Variants in SGMS2 observed in about 807,000 individuals in gnomAD.
SGMS2 encodes phosphatidylcholine:ceramide cholinephosphotransferase 2.
A neutral mutation model predicts 43.8 loss-of-function variants in SGMS2; 21 were observed. The ratio of observed to expected loss-of-function variants is 0.48; its 90% CI spans 0.34 to 0.69. The LOEUF (loss-of-function observed/expected upper bound fraction) is 0.69. Ranked by LOEUF, SGMS2 falls within the 30% of genes least tolerant of loss-of-function variation. The pLI is 0.01. For synonymous variants in SGMS2, 167 were observed against 160.6 expected (o/e 1.04, Z -0.30); for missense variants, 384 against 443.2 (o/e 0.87, Z 1.20).
intron 1 of SGMS2, among the ~76,000 whole-genome samples, chr4:107,844,955 G>A (rs1233760325): frequency 6.6e-6 from 1 of 152,164 alleles, no homozygotes; most frequent in Admixed American, 6.6e-5. Flanking sequence ...GGAGAGAGTT[G>A]ATACAAGCTG....
intron 3 of SGMS2, among the ~76,000 whole-genome samples, chr4:107,899,301 AC>A (rs1730927245): frequency 6.6e-6 from 1 of 152,034 alleles, no homozygotes; most frequent in Admixed American, 6.6e-5. Flanking sequence ...TAGTTCCCCC[AC>A]CCCACACACA....
chr4:107,895,391 A>G lies in SGMS2; in HGVS notation c.-163A>G. On this transcript the variant is annotated 5_prime_UTR_variant, in exon 3 of 7. Coordinates refer to ENST00000690982, the MANE Select transcript of SGMS2 (RefSeq NM_001375905.1). The stretch of plus-strand genomic sequence containing the variant: ...AAGGTACAGCATATAGCTGCATGGA[A>G]GAAACAGTAATCGGATGGCTACCTT... The G allele has an allele frequency of 1.4e-6, 1 of 705,548 alleles. No individual in the cohort carries two copies. Among genetic ancestry groups the G allele is most frequent in the South Asian group, 2.0e-5 (1 of 50,466 alleles). 43.7% of individuals were successfully genotyped at this position (705,548 alleles called of 1,614,324 possible). A position where few individuals can be genotyped will look rare whatever the true frequency, so the allele number is the denominator to read the frequency against.
At chr4:107,842,860 TAAC>T (rs1180150980) in intron 1 of SGMS2, among the ~76,000 whole-genome samples, 25 of 152,338 alleles carry the variant, frequency 1.6e-4, no homozygotes, top group Non-Finnish European at 8.8e-5. Flanking sequence ...TTTTCCTTCT[TAAC>T]AAGCAAATTC....
At chr4:107,908,457 G>T in intron 5 of SGMS2, 108 bp from the exon 6 acceptor site, 1 of 1,098,292 alleles carries the variant, frequency 9.1e-7, no homozygotes, top group Non-Finnish European at 1.3e-6. Flanking sequence ...TATCCTTCTG[G>T]TGACTTCCTG....
intron 1 of SGMS2, among the ~76,000 whole-genome samples, chr4:107,848,762 C>A (rs1204810232): frequency 6.6e-6 from 1 of 152,000 alleles, no homozygotes; most frequent in Non-Finnish European, 1.5e-5. Context: ...GGTTATTTTT[C>A]TTGTTGAGTT....
intron 1 of SGMS2, among the ~76,000 whole-genome samples, chr4:107,849,024 AT>A (rs369034722): frequency 3.0e-4 from 45 of 151,242 alleles, no homozygotes; most frequent in Non-Finnish European, 4.6e-4. Context: ...ATCTAGATTC[AT>A]TTTTTTTTAC....
At chr4:107,843,197 T>C (rs1474970657) in intron 1 of SGMS2, among the ~76,000 whole-genome samples, 2 of 152,042 alleles carry the variant, frequency 1.3e-5, no homozygotes, top group African/African-American at 4.8e-5. Context: ...AACTTCCTCT[T>C]CACTTTTTTA....
chr4:107,842,383 G>C (rs1374150953), intron 1 of SGMS2, among the ~76,000 whole-genome samples: 1 of 152,116 alleles, frequency 6.6e-6, no homozygotes, highest in Non-Finnish European at 1.5e-5. Flanking sequence ...AGAGAGGAGC[G>C]AGGTGCCACA....
intron 2 of SGMS2, among the ~76,000 whole-genome samples, chr4:107,878,297 C>T (rs1729083821): frequency 6.6e-6 from 1 of 152,190 alleles, no homozygotes; most frequent in Non-Finnish European, 1.5e-5. Flanking sequence ...CTTCCCTACC[C>T]TACAGAACCT....
chr4:107,883,554 GAT>G, intron 2 of SGMS2, among the ~76,000 whole-genome samples: 1 of 152,240 alleles, frequency 6.6e-6, no homozygotes, highest in East Asian at 1.9e-4. Context: ...GACTTCAGGT[GAT>G]CTGCCTACCT....
rs531146220 is a variant in SGMS2, at chr4:107,871,940, TA to T, written c.-245+13394del. Among the ~76,000 whole-genome samples the T allele has an allele frequency of 1.2e-4, 19 of 152,220 alleles. No homozygotes were observed. In the East Asian group the frequency reaches 3.7e-3, roughly 29 times the overall value. On this transcript the variant is annotated intron_variant, in intron 2 of 6. Coordinates refer to ENST00000690982, the MANE Select transcript of SGMS2 (RefSeq NM_001375905.1). The stretch of plus-strand genomic sequence containing the variant: ...CCTAATATGCGTTAAACACTTATTT[TA>T]AAAAAACAGCACTGGGATGATCAAT...
intron 1 of SGMS2, among the ~76,000 whole-genome samples, chr4:107,829,440 C>T (rs2125983325): frequency 6.6e-6 from 1 of 152,184 alleles, no homozygotes; most frequent in East Asian, 1.9e-4. Context: ...CATACAGATA[C>T]CCAGATCAGT....
Position 107,903,371 on chromosome 4 carries a change from T to C in SGMS2, c.712T>C (p.Leu238=), listed in dbSNP as rs759434260. The C allele has an allele frequency of 6.2e-7, 1 of 1,613,914 alleles. No homozygotes were observed. The highest frequency in any genetic ancestry group is 2.2e-5 in the East Asian group (1 of 44,856). ...GHTVTLTLTY[L]FIKEYSPRHF... ...CACGGTTACGCTGACACTGACTTAT[T>C]TGTTCATCAAAGAATGTAAGTAATA... Residue 238 remains leucine (L), a synonymous_variant, in exon 5 of 7, where the codon TTG becomes CTG. Coordinates refer to ENST00000690982, the MANE Select transcript of SGMS2 (RefSeq NM_001375905.1).
intron 5 of SGMS2, among the ~76,000 whole-genome samples, chr4:107,906,907 T>A (rs1055498462): frequency 5.9e-5 from 9 of 152,144 alleles, no homozygotes; most frequent in African/African-American, 1.9e-4. Context: ...AGATGACCTG[T>A]AAGTTGGGAA....
Position 107,895,458 on chromosome 4 carries a change from A to G in SGMS2, c.-96A>G. 2 of 1,236,752 alleles carry G rather than the reference A, an allele frequency of 1.6e-6. No individual in the cohort carries two copies. The highest frequency in any genetic ancestry group is 2.3e-6 in the Non-Finnish European group (2 of 879,158). 76.6% of individuals were successfully genotyped at this position (1,236,752 alleles called of 1,614,324 possible). On this transcript the variant is annotated 5_prime_UTR_variant, in exon 3 of 7. An upstream start codon of the reference 5' UTR is lost. Transcript: ENST00000690982. ...GAAACAAAGTCCATTGTAAGAGTCC[A>G]TGTTGATCTTGGAAATAGAAGGATT...
At chr4:107,889,727 C>A (rs1362136338) in intron 2 of SGMS2, among the ~76,000 whole-genome samples, 1 of 152,016 alleles carries the variant, frequency 6.6e-6, no homozygotes, top group Non-Finnish European at 1.5e-5. Flanking sequence ...TAGTTGTCAG[C>A]TAAATAGCCT....
rs1732258472 is a variant in SGMS2 at position 107,913,527 on chromosome 4, A to G, written c.*2974A>G. The G allele has an allele frequency of 6.6e-6, 1 of 152,192 alleles. No individual in the cohort carries two copies. Among genetic ancestry groups the G allele is most frequent in the African/African-American group, 2.4e-5 (1 of 41,454 alleles). 9.4% of individuals were successfully genotyped at this position (152,192 alleles called of 1,614,324 possible). A position where few individuals can be genotyped will look rare whatever the true frequency, so the allele number is the denominator to read the frequency against. On this transcript the variant is annotated 3_prime_UTR_variant, in exon 7 of 7. Transcript: ENST00000690982. ...ATACTTTATGACTTGGAATGCAAAC[A>G]CCACTTTTAAAAGCCTGTTTTCAAG...
intron 2 of SGMS2, 43 bp from the exon 3 acceptor site, chr4:107,895,267 T>C: frequency 2.8e-6 from 1 of 352,126 alleles, no homozygotes; most frequent in South Asian, 7.1e-5. Context: ...GGTTGACAGT[T>C]GGACAAGCAT....
At chr4:107,852,594 G>A (rs1727213277) in intron 1 of SGMS2, among the ~76,000 whole-genome samples, 1 of 152,026 alleles carries the variant, frequency 6.6e-6, no homozygotes, top group South Asian at 2.1e-4. Flanking sequence ...GGAGAAATAG[G>A]ATCATACACA....
Sources: gnomAD v4.1 joint callset for allele counts (sites outside exome capture counted in the v4.1 genomes callset) on GRCh38, gnomAD v4.1.1 for gene constraint, MANE v1.5 for transcripts, NCBI Gene and HGNC (gene_info 2026-07-23, HGNC 2026-07-21) for gene names.